The following RFPL1 variants were observed in gnomAD, a reference collection of about 807,000 sequenced individuals.
RFPL1 encodes the protein ret finger protein-like 1.
In RFPL1, 6 loss-of-function variants were observed where a neutral mutation model predicts 9.6. That is an observed-to-expected ratio of 0.62 (90% CI 0.34 to 1.23). The LOEUF (loss-of-function observed/expected upper bound fraction) is 1.23. Ranked by LOEUF, RFPL1 falls within the 50% of genes most tolerant of loss-of-function variation. RFPL1 has a pLI of 0.03. For missense variants in RFPL1, 352 were observed against 398.4 expected (o/e 0.88, Z 0.99); for synonymous variants, 145 against 149.4 (o/e 0.97, Z 0.22).
chr22:29,409,892 G>A, the RFPL1 span, among the ~76,000 whole-genome samples: 1 of 152,110 alleles, frequency 6.6e-6, no homozygotes. Flanking sequence ...AGTCAAAAAT[G>A]AGCGCATCAC....
chr22:29,436,066 G>C (rs2062807011), upstream of RFPL1, among the ~76,000 whole-genome samples: 1 of 152,004 alleles, frequency 6.6e-6, no homozygotes, highest in Non-Finnish European at 1.5e-5. Context: ...AGGGGAGCTT[G>C]GGGAGAGGTT....
At position 29,439,020 on chromosome 22, in the gene RFPL1, C is replaced by A. The variant is rs568283864; in HGVS notation, c.229C>A (p.Leu77Ile). ...GAAGGAGCCCCATGGGGAGGATCTACTTTGCTGTTGCTGTTCCATGGTCTC... is the reference window on the plus strand; with the variant it reads ...GAAGGAGCCCCATGGGGAGGATCTAATTTGCTGTTGCTGTTCCATGGTCTC... Residue 77 changes from leucine (L) to isoleucine (I), a missense_variant, in exon 1 of 2, where the codon CTT becomes ATT. Physicochemically the swap from Leu to Ile is conservative, Grantham distance 5. Transcript: ENST00000354373. 3.2e-5 allele frequency: 52 copies of A among 1,614,148 alleles called. No individual in the cohort carries two copies. The East Asian group carries it at 1.0e-3, about 32-fold the overall frequency.
At chr22:29,412,850 C>G in the RFPL1 span, among the ~76,000 whole-genome samples, 1 of 152,068 alleles carries the variant, frequency 6.6e-6, no homozygotes, top group Non-Finnish European at 1.5e-5. Context: ...AGGGTGAGCT[C>G]CTGAGGACAG....
chr22:29,441,804 G>C, exon 2 of RFPL1: 2 of 1,613,978 alleles, frequency 1.2e-6, no homozygotes, highest in Non-Finnish European at 8.5e-7. Flanking sequence ...TGACCACAGA[G>C]CGTGGATTCT....
At chr22:29,425,352 T>C in the RFPL1 span, among the ~76,000 whole-genome samples, 1 of 152,218 alleles carries the variant, frequency 6.6e-6, no homozygotes, top group Non-Finnish European at 1.5e-5. Flanking sequence ...GAAACGCCTT[T>C]GCAGGGAACA....
intron 1 of RFPL1, chr22:29,440,750 T>G (rs991416459): frequency 6.6e-6 from 1 of 151,886 alleles, no homozygotes; most frequent in Non-Finnish European, 1.5e-5. Context: ...TTTTTTTGTA[T>G]GTTTTTTAGT....
At chr22:29,394,931 G>A in the RFPL1 span, among the ~76,000 whole-genome samples, 1 of 152,068 alleles carries the variant, frequency 6.6e-6, no homozygotes, top group African/African-American at 2.4e-5. Flanking sequence ...TGCTTCATGA[G>A]GTTTCATCCA....
chr22:29,424,386 C>T, the RFPL1 span, among the ~76,000 whole-genome samples: 73 of 152,184 alleles, frequency 4.8e-4, no homozygotes, highest in Middle Eastern at 3.4e-3. Context: ...TATCATTTAC[C>T]GAGCCCCTAT....
the RFPL1 span, among the ~76,000 whole-genome samples, chr22:29,415,670 G>A: frequency 6.6e-6 from 1 of 152,238 alleles, no homozygotes; most frequent in Non-Finnish European, 1.5e-5. Context: ...TATTCGGCCG[G>A]GAAATCGGCA....
intron 1 of RFPL1, chr22:29,439,404 CGGGTG>C: frequency 1.7e-6 from 1 of 579,422 alleles, no homozygotes; most frequent in South Asian, 2.3e-5. Context: ...GAGGCCGAGG[CGGGTG>C]GATCACGAGG....
the RFPL1 span, among the ~76,000 whole-genome samples, chr22:29,392,756 AG>A: frequency 6.6e-6 from 1 of 152,214 alleles, no homozygotes; most frequent in African/African-American, 2.4e-5. Flanking sequence ...GGTAGTGTGC[AG>A]AAAATCTCAT....
chr22:29,437,966 T>TTG, upstream of RFPL1: 1 of 411,118 alleles, frequency 2.4e-6, no homozygotes. Flanking sequence ...TTTTTTTTTT[T>TTG]TTTTTTGGTG....
intron 1 of RFPL1, chr22:29,440,421 C>T (rs2062832485): frequency 6.6e-6 from 1 of 152,068 alleles, no homozygotes; most frequent in South Asian, 2.1e-4. Context: ...ATGCTCTGGA[C>T]AATTAATTTT....
the RFPL1 span, among the ~76,000 whole-genome samples, chr22:29,413,582 C>T: frequency 1.3e-5 from 2 of 152,212 alleles, no homozygotes; most frequent in East Asian, 1.9e-4. Flanking sequence ...GACAATGCTT[C>T]CTGTATGTTT....
chr22:29,410,600 T>C, the RFPL1 span, among the ~76,000 whole-genome samples: 10 of 89,006 alleles, frequency 1.1e-4, no homozygotes, highest in Non-Finnish European at 1.7e-4. Flanking sequence ...TATATAGATA[T>C]ATATAGATAT....
the RFPL1 span, among the ~76,000 whole-genome samples, chr22:29,418,414 A>G: frequency 6.6e-6 from 1 of 151,908 alleles, no homozygotes; most frequent in Non-Finnish European, 1.5e-5. Flanking sequence ...TGCACCACAC[A>G]GTGTTTGTTT....
At chr22:29,420,394 C>T in the RFPL1 span, among the ~76,000 whole-genome samples, 1 of 151,878 alleles carries the variant, frequency 6.6e-6, no homozygotes, top group Non-Finnish European at 1.5e-5. Context: ...GCAGTGGCCC[C>T]ATCTCAGCTC....
chr22:29,429,418 A>AAAG, the RFPL1 span, among the ~76,000 whole-genome samples: 6 of 151,858 alleles, frequency 4.0e-5, no homozygotes, highest in Non-Finnish European at 4.4e-5. Flanking sequence ...AACTAAGAAA[A>AAAG]AAGAAGAAGA....
At chr22:29,391,327 C>T in the RFPL1 span, among the ~76,000 whole-genome samples, 1 of 152,100 alleles carries the variant, frequency 6.6e-6, no homozygotes, top group South Asian at 2.1e-4. Flanking sequence ...TTGCTATGTC[C>T]TCACACGATC....
Sources: allele counts gnomAD v4.1 joint callset (sites outside exome capture counted in the v4.1 genomes callset), GRCh38; gene constraint gnomAD v4.1.1; transcripts MANE v1.5; gene names NCBI Gene and HGNC (gene_info 2026-07-23, HGNC 2026-07-21).